The following FBLN7 variants were observed in gnomAD, a reference collection of about 807,000 sequenced individuals.
FBLN7 encodes the protein fibulin 7, also known as fibulin-7.
FBLN7 carries 31 observed loss-of-function variants against 44.0 expected under a neutral mutation model. The observed-to-expected ratio is 0.70, with a 90% CI of 0.53 to 0.95. The LOEUF (loss-of-function observed/expected upper bound fraction) is 0.95. Among genes scored for constraint, FBLN7 ranks in the 40% least tolerant of loss-of-function variants. The pLI, the probability that FBLN7 is intolerant of heterozygous loss-of-function variation, is 0.00. For missense variants in FBLN7, 573 were observed against 618.5 expected, an observed-to-expected ratio of 0.93 and a Z score of 0.78; for synonymous variants, 262 against 253.4, an observed-to-expected ratio of 1.03 and a Z score of -0.32.
chr2:112,138,711 C>G lies in FBLN7; in HGVS notation c.56C>G (p.Pro19Arg). The G allele has an allele frequency of 6.2e-7, 1 of 1,613,210 alleles. No homozygotes were observed. Among genetic ancestry groups the G allele is most frequent in the South Asian group, 1.1e-5 (1 of 91,034 alleles). ...LFLLLLILAC[P>R]EPRASQNCLS... ...CTTCTGCTCCTGATCCTCGCCTGCC[C>G]CGAGCCGCGGGCTTCCCAGGTCAGT... Residue 19 changes from proline (P) to arginine (R), a missense_variant, in exon 1 of 8, where the codon CCC becomes CGC. Physicochemically the swap from Pro to Arg is moderately radical, Grantham distance 103 (BLOSUM62 -2). Coordinates refer to ENST00000331203, the MANE Select transcript of FBLN7 (RefSeq NM_153214.3).
chr2:112,166,477 A>G (rs1325857655), intron 3 of FBLN7, among the ~76,000 whole-genome samples: 1 of 152,164 alleles, frequency 6.6e-6, no homozygotes, highest in East Asian at 1.9e-4. Flanking sequence ...TTTACAATTT[A>G]GGCTTCTCTT....
chr2:112,228,552 A>C, the FBLN7 span, among the ~76,000 whole-genome samples: 2 of 152,120 alleles, frequency 1.3e-5, no homozygotes, highest in African/African-American at 4.8e-5. Context: ...TGTAAAAAAA[A>C]GTTTTGCCCT....
In FBLN7 at chr2:112,181,849, G is replaced by T. The variant is rs1484251961; in HGVS notation, c.643G>T (p.Gly215Cys). 1.3e-6 allele frequency: 2 copies of T among 1,526,760 alleles called. No individual in the cohort carries two copies. The highest frequency in any genetic ancestry group is 4.0e-5 in the Admixed American group (2 of 50,162). The allele number at this position is 1,526,760 out of a possible 1,614,324, so 94.6% of individuals were successfully genotyped here. The stretch of plus-strand genomic sequence containing the variant: ...CTGCGAGGCCGGATTCCACCTGAGC[G>T]GCGCCGCCGGCGACAGCGTCTGCCA... ...CSCEAGFHLS[G>C]AAGDSVCQDV... Residue 215 changes from glycine to cysteine, a missense_variant, in exon 5 of 8, where the codon GGC becomes TGC. Transcript: ENST00000331203.
intron 3 of FBLN7, among the ~76,000 whole-genome samples, chr2:112,172,271 G>A (rs1481108548): frequency 6.6e-6 from 1 of 152,156 alleles, no homozygotes; most frequent in Non-Finnish European, 1.5e-5. Flanking sequence ...CTTAGAATTG[G>A]TTGATAATGT....
intron 3 of FBLN7, among the ~76,000 whole-genome samples, chr2:112,165,589 A>G (rs1480904003): frequency 1.3e-5 from 2 of 152,124 alleles, no homozygotes; most frequent in African/African-American, 4.8e-5. Context: ...GAAGCTGCTC[A>G]TGGGTTGGGG....
At chr2:112,163,078 G>A (rs1681959926) in intron 2 of FBLN7, among the ~76,000 whole-genome samples, 1 of 152,190 alleles carries the variant, frequency 6.6e-6, no homozygotes, top group South Asian at 2.1e-4. Flanking sequence ...TGCAGCAATG[G>A]GCAGATATTC....
chr2:112,178,897 C>A (rs922834256), intron 4 of FBLN7, among the ~76,000 whole-genome samples: 1 of 72,998 alleles, frequency 1.4e-5, no homozygotes, highest in Admixed American at 1.4e-4. Context: ...CAACATTGTA[C>A]GGAATGGGCA....
chr2:112,223,320 T>C, the FBLN7 span, among the ~76,000 whole-genome samples: 1 of 152,092 alleles, frequency 6.6e-6, no homozygotes, highest in African/African-American at 2.4e-5. Flanking sequence ...ATATGAACAA[T>C]TGCATGTCAA....
At chr2:112,151,513 C>G (rs558495688) in intron 1 of FBLN7, 9 of 152,324 alleles carry the variant, frequency 5.9e-5, no homozygotes, top group African/African-American at 2.2e-4. Context: ...CACGCCCCTG[C>G]CTACATCCCA....
At chr2:112,163,799 ACT>A (rs1192686689) in intron 2 of FBLN7, among the ~76,000 whole-genome samples, 2 of 152,042 alleles carry the variant, frequency 1.3e-5, no homozygotes, top group African/African-American at 2.4e-5. Flanking sequence ...GCCCCGTGTA[ACT>A]CTGAGCTGTC....
At chr2:112,220,884 C>T in the FBLN7 span, among the ~76,000 whole-genome samples, 14 of 152,116 alleles carry the variant, frequency 9.2e-5, no homozygotes, top group African/African-American at 3.4e-4. Context: ...TGCCCTTAAC[C>T]GTTTTTTCTT....
Position 112,159,684 on chromosome 2 carries a change from C to G in FBLN7, c.84C>G (p.Leu28=). Residue 28 remains leucine (L), a synonymous_variant, in exon 2 of 8, where the codon CTC becomes CTG. Transcript: ENST00000331203. The part of the protein sequence containing the change: ...CPEPRASQNC[L]SKQQLLSAIR... ...ATGTCTTCTCTCCGCAGAACTGTCT[C>G]AGCAAACAGCAGCTCCTCTCGGCCA... 6.4e-7 allele frequency: 1 copy of G among 1,557,836 alleles called. No homozygotes were observed. The highest frequency in any genetic ancestry group is 8.7e-7 in the Non-Finnish European group (1 of 1,148,920).
the FBLN7 span, chr2:112,215,261 A>T: frequency 6.6e-6 from 1 of 152,180 alleles, no homozygotes; most frequent in African/African-American, 2.4e-5. Flanking sequence ...AGACTTAAAT[A>T]AGAAGTGCCT....
chr2:112,138,620 T>C lies in FBLN7; in HGVS notation c.-36T>C. 1.2e-6 allele frequency: 2 copies of C among 1,612,100 alleles called. No individual in the cohort carries two copies. Among genetic ancestry groups the C allele is most frequent in the Non-Finnish European group, 1.7e-6 (2 of 1,178,886 alleles). ...AAACTCGGCAGCGGAGGCAAAGTTA[T>C]TTCCCCTCCCAGGCAGCGGGATTCC... is the stretch of plus-strand genomic sequence containing the variant. On this transcript the variant is annotated 5_prime_UTR_variant, in exon 1 of 8. Transcript: ENST00000331203.
chr2:112,160,762 A>G (rs1292946576), intron 2 of FBLN7, among the ~76,000 whole-genome samples: 1 of 37,612 alleles, frequency 2.7e-5, no homozygotes, highest in African/African-American at 1.2e-4. Context: ...GCACACACGC[A>G]CGCACACGCA....
chr2:112,236,549 T>C, the FBLN7 span: 1 of 1,610,740 alleles, frequency 6.2e-7, no homozygotes. Flanking sequence ...CCTAGAAGCA[T>C]ATATTCCAAT....
chr2:112,238,352 T>G, the FBLN7 span: 1 of 1,613,768 alleles, frequency 6.2e-7, no homozygotes, highest in Admixed American at 1.7e-5. Context: ...TCTTTGTAGA[T>G]TCTTCAGGTT....
chr2:112,236,662 C>T, the FBLN7 span: 5 of 1,613,612 alleles, frequency 3.1e-6, no homozygotes, highest in Non-Finnish European at 3.4e-6. Flanking sequence ...ATTCTTGTGA[C>T]CAGCTTTAAG....
intron 1 of FBLN7, among the ~76,000 whole-genome samples, chr2:112,150,868 C>T (rs1173921271): frequency 6.6e-6 from 1 of 152,144 alleles, no homozygotes; most frequent in African/African-American, 2.4e-5. Context: ...CTTAGCTCAC[C>T]AAGCAGGAAG....
Sources: allele counts gnomAD v4.1 joint callset (sites outside exome capture counted in the v4.1 genomes callset), GRCh38; gene constraint gnomAD v4.1.1; transcripts MANE v1.5; gene names NCBI Gene and HGNC (gene_info 2026-07-23, HGNC 2026-07-21).